The following TACR3 variants were observed in gnomAD, a reference collection of about 807,000 sequenced individuals.
The protein encoded by TACR3 is tachykinin receptor 3, also known as neuromedin-K receptor.
Under a neutral mutation model 35.0 loss-of-function variants are expected in TACR3, and 34 were observed. The ratio of observed to expected loss-of-function variants is 0.97; its 90% confidence interval spans 0.74 to 1.30. The LOEUF (loss-of-function observed/expected upper bound fraction) is 1.30. Ranked by LOEUF, TACR3 falls within the 50% of genes most tolerant of loss-of-function variation. TACR3 has a pLI of 0.00. For missense variants in TACR3, 558 were observed against 591.7 expected, an observed-to-expected ratio of 0.94 and a Z score of 0.59; for synonymous variants, 233 against 221.1, an observed-to-expected ratio of 1.05 and a Z score of -0.48.
chr4:103,665,538 CT>C (rs1725918457), intron 1 of TACR3, among the ~76,000 whole-genome samples: 1 of 152,136 alleles, frequency 6.6e-6, no homozygotes, highest in South Asian at 2.1e-4. Context: ...TGAATACCAG[CT>C]ATCTTCTGGG....
At chr4:103,712,024 G>T (rs909214184) in intron 1 of TACR3, among the ~76,000 whole-genome samples, 1 of 152,146 alleles carries the variant, frequency 6.6e-6, no homozygotes, top group African/African-American at 2.4e-5. Flanking sequence ...AACATTCCAT[G>T]CTCATGGGTA....
rs149007243 is a variant in TACR3 at position 103,707,513 on chromosome 4, A to G, written c.548+11615T>C. ...GTGTCTATAATTCAGAAGAAAATCA[A>G]TAAGACACAGTTCCAAGATGGCCAA... is the stretch of plus-strand genomic sequence containing the variant. On this transcript the variant is annotated intron_variant, in intron 1 of 4. Coordinates refer to ENST00000304883, the MANE Select transcript of TACR3 (RefSeq NM_001059.3). 2.5e-4 allele frequency among the ~76,000 whole-genome samples: 38 copies of G among 152,284 alleles called. No homozygotes were observed. In the East Asian group the frequency reaches 7.4e-3, roughly 29 times the overall value.
intron 1 of TACR3, among the ~76,000 whole-genome samples, chr4:103,686,292 C>A (rs1251217527): frequency 6.6e-6 from 1 of 152,120 alleles, no homozygotes; most frequent in Non-Finnish European, 1.5e-5. Flanking sequence ...TGACACAGAT[C>A]CAATGGCAAA....
At position 103,591,701 on chromosome 4, in the gene TACR3, C is replaced by G. The variant is rs774187240; in HGVS notation, c.889-18G>C. On this transcript the variant is annotated intron_variant, in intron 3 of 4. Coordinates refer to ENST00000304883, the MANE Select transcript of TACR3 (RefSeq NM_001059.3). ...TTGACAACCTATAAAGAAAAAAAGTCATTTTTGACAAATATAATACTCATA... is the reference window on the plus strand; with the variant it reads ...TTGACAACCTATAAAGAAAAAAAGTGATTTTTGACAAATATAATACTCATA... The G allele has an allele frequency of 2.5e-6, 4 of 1,595,406 alleles. No individual in the cohort carries two copies. Among genetic ancestry groups the G allele is most frequent in the Non-Finnish European group, 3.4e-6 (4 of 1,170,258 alleles).
intron 1 of TACR3, among the ~76,000 whole-genome samples, chr4:103,708,450 C>CTGTT (rs1344000541): frequency 2.6e-5 from 4 of 152,214 alleles, no homozygotes; most frequent in African/African-American, 7.2e-5. Context: ...AGGGTCCTGA[C>CTGTT]TGTTAGAAGG....
At chr4:103,686,531 A>C (rs1257305140) in intron 1 of TACR3, among the ~76,000 whole-genome samples, 1 of 152,172 alleles carries the variant, frequency 6.6e-6, no homozygotes, top group Non-Finnish European at 1.5e-5. Flanking sequence ...ACAAACAAGA[A>C]ATGATAACAG....
At chr4:103,707,752 T>A (rs916477713) in intron 1 of TACR3, among the ~76,000 whole-genome samples, 2 of 152,016 alleles carry the variant, frequency 1.3e-5, no homozygotes, top group African/African-American at 4.8e-5. Flanking sequence ...CCTTTCCTAG[T>A]CAAGGGAAGC....
chr4:103,690,139 C>T (rs1269759493), intron 1 of TACR3, among the ~76,000 whole-genome samples: 1 of 152,060 alleles, frequency 6.6e-6, no homozygotes, highest in Non-Finnish European at 1.5e-5. Flanking sequence ...ACAAACGAGA[C>T]AATGCGTTAT....
intron 3 of TACR3, among the ~76,000 whole-genome samples, chr4:103,603,138 T>A (rs1043499088): frequency 2.0e-5 from 3 of 152,210 alleles, no homozygotes. Flanking sequence ...TGCAGTTTGA[T>A]CTCGGACTGC....
chr4:103,660,581 T>G (rs904300672), intron 1 of TACR3, among the ~76,000 whole-genome samples: 15 of 151,682 alleles, frequency 9.9e-5, no homozygotes, highest in African/African-American at 3.6e-4. Flanking sequence ...ACAAGGAAAT[T>G]TTTTGAGGTG....
At chr4:103,657,520 A>C (rs3822290) in intron 2 of TACR3, among the ~76,000 whole-genome samples, 62,264 of 151,706 alleles carry the variant, frequency 0.41, 14,765 homozygotes, top group African/African-American at 0.66. Flanking sequence ...GGCAACCATT[A>C]TTTGCACCAT....
chr4:103,705,605 G>A (rs1722769925), intron 1 of TACR3, among the ~76,000 whole-genome samples: 1 of 152,120 alleles, frequency 6.6e-6, no homozygotes, highest in South Asian at 2.1e-4. Context: ...CATGTGCTAT[G>A]GGAATCTATA....
chr4:103,642,442 G>A (rs923020507), intron 3 of TACR3, among the ~76,000 whole-genome samples: 5 of 151,578 alleles, frequency 3.3e-5, no homozygotes, highest in African/African-American at 7.3e-5. Flanking sequence ...TGAAGAAAAC[G>A]TGGTATATCC....
chr4:103,598,345 G>T (rs1475759460), intron 3 of TACR3, among the ~76,000 whole-genome samples: 1 of 152,082 alleles, frequency 6.6e-6, no homozygotes, highest in Non-Finnish European at 1.5e-5. Flanking sequence ...TTTAGATTCT[G>T]GATATTAGCC....
rs186308690 is a variant in TACR3 at position 103,672,583 on chromosome 4, A to G, written c.549-14180T>C. On this transcript the variant is annotated intron_variant, in intron 1 of 4. Coordinates refer to ENST00000304883, the MANE Select transcript of TACR3 (RefSeq NM_001059.3). ...TTTAAAATATTCATTAAACCATGCC[A>G]TGAACAAATGTGTCATCATCCATGC... Among the ~76,000 whole-genome samples the G allele has an allele frequency of 9.8e-4, 150 of 152,326 alleles. 1 individual carries two copies. The highest frequency in any genetic ancestry group is 3.5e-3 in the African/African-American group (145 of 41,590).
chr4:103,665,240 CATATATGACTATGACTATTCATATATGT>C (rs541733495), intron 1 of TACR3, among the ~76,000 whole-genome samples: 10 of 149,056 alleles, frequency 6.7e-5, no homozygotes, highest in East Asian at 1.9e-4. Context: ...ATGTATGACT[CATATATGACTATGACTATTCATATATGT>C]ATATATGACT....
At chr4:103,598,305 T>C (rs1385513133) in intron 3 of TACR3, among the ~76,000 whole-genome samples, 1 of 152,156 alleles carries the variant, frequency 6.6e-6, no homozygotes, top group East Asian at 1.9e-4. Context: ...AGGTTGTTTG[T>C]TTTTTTCTTG....
chr4:103,596,601 T>A (rs1210097409), intron 3 of TACR3, among the ~76,000 whole-genome samples: 1 of 152,138 alleles, frequency 6.6e-6, no homozygotes. Context: ...AATCCTTTTT[T>A]TAAAATTTTA....
chr4:103,611,995 G>A (rs1164306544), intron 3 of TACR3, among the ~76,000 whole-genome samples: 1 of 152,118 alleles, frequency 6.6e-6, no homozygotes, highest in Non-Finnish European at 1.5e-5. Flanking sequence ...AAACAAATGC[G>A]ATAACCATCT....
Sources: gnomAD v4.1 joint callset for allele counts (sites outside exome capture counted in the v4.1 genomes callset) on GRCh38, gnomAD v4.1.1 for gene constraint, MANE v1.5 for transcripts, NCBI Gene and HGNC (gene_info 2026-07-23, HGNC 2026-07-21) for gene names.